Variants in MCOLN2 observed in about 807,000 individuals in gnomAD.
MCOLN2 encodes mucolipin TRP cation channel 2.
In MCOLN2, 57 loss-of-function variants were observed where a neutral mutation model predicts 67.5. The observed-to-expected ratio is 0.84, with a 90% CI of 0.68 to 1.05. MCOLN2 has a LOEUF of 1.05. Among genes scored for constraint, MCOLN2 ranks in the 50% least tolerant of loss-of-function variants. The pLI is 0.00. For synonymous variants in MCOLN2, 246 were observed against 233.3 expected (o/e 1.05, Z -0.50); for missense variants, 620 against 678.8 (o/e 0.91, Z 0.96).
intron 12 of MCOLN2, among the ~76,000 whole-genome samples, chr1:84,930,565 C>G (rs1278315972): frequency 6.6e-6 from 1 of 152,148 alleles, no homozygotes. Context: ...GTGTGCACCT[C>G]TTCCTTCTCC....
chr1:84,988,952 T>A (rs1275088822), intron 1 of MCOLN2, among the ~76,000 whole-genome samples: 1 of 152,190 alleles, frequency 6.6e-6, no homozygotes, highest in African/African-American at 2.4e-5. Context: ...TTTCTTCCTG[T>A]CACCCTTCAT....
chr1:84,972,666 C>G (rs1286360894), intron 1 of MCOLN2, among the ~76,000 whole-genome samples: 4 of 152,206 alleles, frequency 2.6e-5, no homozygotes, highest in African/African-American at 9.6e-5. Context: ...ACTCTCTCCA[C>G]AAATAATCAG....
chr1:84,987,503 G>T (rs377457074), intron 1 of MCOLN2, among the ~76,000 whole-genome samples: 10,489 of 18,898 alleles, frequency 0.56, 2,359 homozygotes, highest in Middle Eastern at 0.65. Flanking sequence ...TGTATACATA[G>T]ATGTATACAT....
chr1:84,973,545 A>G (rs589227), intron 1 of MCOLN2, among the ~76,000 whole-genome samples: 8,765 of 152,204 alleles, frequency 0.058, 874 homozygotes, highest in African/African-American at 0.2. Context: ...CATCCTGGGG[A>G]AATTGTCAAG....
chr1:84,982,530 T>G (rs192823396), intron 1 of MCOLN2, among the ~76,000 whole-genome samples: 4 of 152,236 alleles, frequency 2.6e-5, no homozygotes, highest in Non-Finnish European at 5.9e-5. Context: ...GCATATGATA[T>G]GTAAATGAAT....
chr1:84,991,572 T>C (rs1235563720), intron 1 of MCOLN2, among the ~76,000 whole-genome samples: 3 of 152,184 alleles, frequency 2.0e-5, no homozygotes, highest in Non-Finnish European at 4.4e-5. Context: ...ATAAATGACA[T>C]GGTCATTCTA....
rs139420506 is a variant in MCOLN2 at position 84,968,980 on chromosome 1, C to A, written c.78-3272G>T. Among the ~76,000 whole-genome samples the A allele has an allele frequency of 2.6e-5, 4 of 152,320 alleles. No individual in the cohort carries two copies. The East Asian group carries it at 7.7e-4, about 29-fold the overall frequency. ...CCCTTTTTGTCCAGTCACATTTCTACATGGTTGTCAATCATACCTATCCAA... is the reference window on the plus strand; with the variant it reads ...CCCTTTTTGTCCAGTCACATTTCTAAATGGTTGTCAATCATACCTATCCAA... On this transcript the variant is annotated intron_variant, in intron 1 of 13. Coordinates refer to ENST00000370608, the MANE Select transcript of MCOLN2 (RefSeq NM_153259.4).
chr1:84,952,568 C>T, intron 4 of MCOLN2, 38 bp from the exon 5 acceptor site: 1 of 1,393,020 alleles, frequency 7.2e-7, no homozygotes, highest in Non-Finnish European at 1.0e-6. Context: ...TTGTTTCAGG[C>T]AAGAATTAGG....
intron 6 of MCOLN2, among the ~76,000 whole-genome samples, chr1:84,951,292 T>C (rs1232326353): frequency 6.6e-6 from 1 of 152,222 alleles, no homozygotes; most frequent in Non-Finnish European, 1.5e-5. Context: ...TGAAACACTC[T>C]TCTGAATTGC....
At chr1:84,958,062 C>G (rs496561) in intron 3 of MCOLN2, among the ~76,000 whole-genome samples, 8,757 of 152,190 alleles carry the variant, frequency 0.058, 870 homozygotes, top group African/African-American at 0.2. Flanking sequence ...ATTAAGGCCA[C>G]AGAATCCCTG....
At chr1:84,967,749 G>C (rs746109319) in intron 1 of MCOLN2, among the ~76,000 whole-genome samples, 1 of 108,456 alleles carries the variant, frequency 9.2e-6, no homozygotes, top group Non-Finnish European at 2.0e-5. Flanking sequence ...GGGAGGGAGG[G>C]AGGGAAGGAG....
intron 6 of MCOLN2, among the ~76,000 whole-genome samples, chr1:84,947,525 T>C (rs1290762732): frequency 6.6e-6 from 1 of 152,048 alleles, no homozygotes; most frequent in Non-Finnish European, 1.5e-5. Context: ...GGGAATCTCT[T>C]TGGATAGGAA....
intron 1 of MCOLN2, among the ~76,000 whole-genome samples, chr1:84,993,280 A>G (rs1650981454): frequency 6.6e-6 from 1 of 152,174 alleles, no homozygotes; most frequent in Admixed American, 6.5e-5. Flanking sequence ...TTTTCTGGGT[A>G]TTTCCACCAC....
chr1:84,992,701 G>C (rs896629914), intron 1 of MCOLN2, among the ~76,000 whole-genome samples: 1 of 152,168 alleles, frequency 6.6e-6, no homozygotes, highest in African/African-American at 2.4e-5. Flanking sequence ...GCATATAAAA[G>C]TTATGTTTAC....
intron 6 of MCOLN2, among the ~76,000 whole-genome samples, chr1:84,949,421 G>A (rs139278874): frequency 0.043 from 6,496 of 152,238 alleles, 486 homozygotes; most frequent in African/African-American, 0.15. Flanking sequence ...GACAGATCAC[G>A]AGGTCAGGAG....
At position 84,969,718 on chromosome 1, in the gene MCOLN2, G is replaced by A. The variant is rs543584166; in HGVS notation, c.78-4010C>T. ...GACCAACTTAATGAGCACTTAGTCC[G>A]CGGAGCAAGCACTGTGCTGGGTACA... On this transcript the variant is annotated intron_variant, in intron 1 of 13. Transcript: ENST00000370608. Among the ~76,000 whole-genome samples the A allele has an allele frequency of 9.9e-5, 15 of 152,202 alleles. No individual in the cohort carries two copies. In the South Asian group the frequency reaches 1.2e-3, roughly 13 times the overall value.
At chr1:84,981,805 A>G (rs1170331393) in intron 1 of MCOLN2, among the ~76,000 whole-genome samples, 1 of 152,200 alleles carries the variant, frequency 6.6e-6, no homozygotes. Context: ...AAATAATTAA[A>G]GAGTATAATT....
chr1:84,935,723 A>G (rs1647390095), intron 11 of MCOLN2, among the ~76,000 whole-genome samples: 1 of 152,216 alleles, frequency 6.6e-6, no homozygotes, highest in South Asian at 2.1e-4. Context: ...TCTCAATTGT[A>G]GCCCAAACTG....
At chr1:84,968,606 C>T (rs921828550) in intron 1 of MCOLN2, among the ~76,000 whole-genome samples, 15 of 152,102 alleles carry the variant, frequency 9.9e-5, no homozygotes, top group Admixed American at 6.6e-4. Context: ...GGTTTTTGTC[C>T]GCAGCTCCTA....
Sources: gnomAD v4.1 joint callset for allele counts (sites outside exome capture counted in the v4.1 genomes callset) on GRCh38, gnomAD v4.1.1 for gene constraint, MANE v1.5 for transcripts, NCBI Gene and HGNC (gene_info 2026-07-23, HGNC 2026-07-21) for gene names.